PTPRT: variants seen among roughly 807,000 people sequenced by gnomAD.
PTPRT encodes the protein protein tyrosine phosphatase receptor type T, also known as receptor-type tyrosine-protein phosphatase T.
Under a neutral mutation model 176.8 loss-of-function variants are expected in PTPRT, and 56 were observed. That is an observed-to-expected ratio of 0.32 (90% CI 0.26 to 0.40). PTPRT has a LOEUF of 0.40. Among genes scored for constraint, PTPRT ranks in the 10% least tolerant of loss-of-function variants. The pLI is 1.00. For missense variants in PTPRT, 1,540 were observed against 1,908.2 expected (o/e 0.81, Z 3.60); for synonymous variants, 783 against 739.0 (o/e 1.06, Z -0.96).
intron 7 of PTPRT, among the ~76,000 whole-genome samples, chr20:42,478,085 G>A (rs1052492038): frequency 2.0e-5 from 3 of 152,224 alleles, no homozygotes; most frequent in African/African-American, 4.8e-5. Context: ...GTGAGTGGCC[G>A]TTGGCCTAAG....
chr20:42,974,569 G>A (rs957166426), intron 1 of PTPRT, among the ~76,000 whole-genome samples: 6 of 152,032 alleles, frequency 3.9e-5, no homozygotes, highest in East Asian at 1.9e-4. Context: ...ACTCACAGTC[G>A]TGAGAACACA....
intron 1 of PTPRT, among the ~76,000 whole-genome samples, chr20:42,923,832 A>T (rs2145958512): frequency 6.7e-6 from 1 of 149,648 alleles, no homozygotes; most frequent in African/African-American, 2.5e-5. Flanking sequence ...TGAATGGGAC[A>T]TTTTTTTCTT....
chr20:42,116,054 C>T (rs746535625), intron 21 of PTPRT: 20 of 725,086 alleles, frequency 2.8e-5, no homozygotes, highest in African/African-American at 8.7e-5. Context: ...CGGGGGACGC[C>T]GCACGGCCTA....
At chr20:42,121,642 G>C (rs375501429) in intron 19 of PTPRT, among the ~76,000 whole-genome samples, 18 of 151,342 alleles carry the variant, frequency 1.2e-4, no homozygotes, top group African/African-American at 4.4e-4. Context: ...CAATAACAAA[G>C]ATATGAAATC....
At chr20:43,025,805 G>A (rs1985885376) in intron 1 of PTPRT, among the ~76,000 whole-genome samples, 1 of 152,124 alleles carries the variant, frequency 6.6e-6, no homozygotes, top group South Asian at 2.1e-4. Context: ...TCTTCTGTGA[G>A]GTGATCCATC....
chr20:42,657,058 C>T (rs568264167), intron 7 of PTPRT, among the ~76,000 whole-genome samples: 2 of 152,106 alleles, frequency 1.3e-5, no homozygotes. Flanking sequence ...GTGGTTGCCC[C>T]CATCCTGTTC....
chr20:42,697,121 G>GA (rs2075893033), intron 6 of PTPRT, among the ~76,000 whole-genome samples: 4 of 151,954 alleles, frequency 2.6e-5, no homozygotes, highest in South Asian at 2.1e-4. Flanking sequence ...ATGCACCAGA[G>GA]AAAAAAACAA....
At chr20:42,351,711 TTCATTC>T (rs2058287328) in intron 10 of PTPRT, among the ~76,000 whole-genome samples, 1 of 152,132 alleles carries the variant, frequency 6.6e-6, no homozygotes, top group African/African-American at 2.4e-5. Context: ...CATTCATTCA[TTCATTC>T]ATCAGGTATT....
intron 9 of PTPRT, among the ~76,000 whole-genome samples, chr20:42,416,616 C>T (rs1038867259): frequency 6.6e-6 from 1 of 152,178 alleles, no homozygotes; most frequent in Non-Finnish European, 1.5e-5. Context: ...TAATTCATGG[C>T]TGACTCTGGC....
At chr20:42,256,217 C>T (rs978261353) in intron 13 of PTPRT, among the ~76,000 whole-genome samples, 2 of 152,122 alleles carry the variant, frequency 1.3e-5, no homozygotes, top group Non-Finnish European at 1.5e-5. Flanking sequence ...CAGGTAAGCA[C>T]CATAAACCTT....
At chr20:42,419,900 C>G (rs73121630) in intron 9 of PTPRT, among the ~76,000 whole-genome samples, 14 of 152,018 alleles carry the variant, frequency 9.2e-5, no homozygotes, top group Non-Finnish European at 1.6e-4. Flanking sequence ...GAGAACGCCA[C>G]GTGGAGACAG....
At chr20:42,883,340 C>A (rs73907294) in intron 2 of PTPRT, among the ~76,000 whole-genome samples, 4,368 of 152,036 alleles carry the variant, frequency 0.029, 134 homozygotes, top group African/African-American at 0.077. Flanking sequence ...CAGACCCAAA[C>A]TATACTTAGG....
At chr20:42,642,725 T>C (rs776740291) in intron 7 of PTPRT, among the ~76,000 whole-genome samples, 6 of 152,142 alleles carry the variant, frequency 3.9e-5, no homozygotes, top group Non-Finnish European at 8.8e-5. Context: ...GCAGGATTGT[T>C]GAAATGAGTA....
At chr20:42,719,658 T>C (rs2076277028) in intron 6 of PTPRT, among the ~76,000 whole-genome samples, 1 of 152,218 alleles carries the variant, frequency 6.6e-6, no homozygotes, top group Admixed American at 6.5e-5. Flanking sequence ...ATGAAGTGTT[T>C]AGCAAATAGT....
At chr20:42,057,549 T>G in the PTPRT span, among the ~76,000 whole-genome samples, 1 of 152,200 alleles carries the variant, frequency 6.6e-6, no homozygotes, top group South Asian at 2.1e-4. Flanking sequence ...TTGTGGTCCT[T>G]TTACTAGTCT....
chr20:42,501,470 T>C (rs1475610662), intron 7 of PTPRT, among the ~76,000 whole-genome samples: 2 of 152,188 alleles, frequency 1.3e-5, no homozygotes, highest in African/African-American at 4.8e-5. Context: ...GAAGTGGAAT[T>C]ACTGGGGTGT....
chr20:42,110,918 G>A lies in PTPRT; in HGVS notation c.3100-431C>T, dbSNP rs1474151106. 2.6e-5 allele frequency among the ~76,000 whole-genome samples: 4 copies of A among 152,210 alleles called. 1 individual carries two copies. Among genetic ancestry groups the A allele is most frequent in the African/African-American group, 4.8e-5 (2 of 41,448 alleles). ...GAATCTGAGGCGTTCAGTGATTGAG[G>A]TCTGATATTCTGTAGTGTTCCAGCC... On this transcript the variant is annotated intron_variant, in intron 22 of 30. Coordinates refer to ENST00000373187, the MANE Select transcript of PTPRT (RefSeq NM_007050.6).
intron 1 of PTPRT, among the ~76,000 whole-genome samples, chr20:42,917,157 T>C (rs1432786782): frequency 6.6e-6 from 1 of 152,154 alleles, no homozygotes; most frequent in East Asian, 1.9e-4. Flanking sequence ...AAGGAAGGGA[T>C]CCAGTTTCAG....
At chr20:42,782,126 T>A (rs533846952) in intron 3 of PTPRT, among the ~76,000 whole-genome samples, 1 of 152,212 alleles carries the variant, frequency 6.6e-6, no homozygotes, top group Non-Finnish European at 1.5e-5. Flanking sequence ...AGACTCTCCA[T>A]TTCTGGGTCT....
Sources: gnomAD v4.1 joint callset for allele counts (sites outside exome capture counted in the v4.1 genomes callset) on GRCh38, gnomAD v4.1.1 for gene constraint, MANE v1.5 for transcripts, NCBI Gene and HGNC (gene_info 2026-07-23, HGNC 2026-07-21) for gene names.